PUM3: variants seen among roughly 807,000 people sequenced by gnomAD.
The protein encoded by PUM3 is pumilio RNA binding family member 3, also known as pumilio homolog 3.
A neutral mutation model predicts 84.0 loss-of-function variants in PUM3; 91 were observed. The ratio of observed to expected loss-of-function variants is 1.08; its 90% CI spans 0.91 to 1.29. The LOEUF (loss-of-function observed/expected upper bound fraction) is 1.29. Ranked by LOEUF, PUM3 falls within the 50% of genes most tolerant of loss-of-function variation. The pLI, the probability that PUM3 is intolerant of heterozygous loss-of-function variation, is 0.00. For synonymous variants in PUM3, 321 were observed against 266.7 expected (o/e 1.20, Z -1.98); for missense variants, 1,067 against 767.5 (o/e 1.39, Z -4.61).
chr9:2,813,916 G>A (rs151120152), intron 13 of PUM3, among the ~76,000 whole-genome samples: 4 of 152,184 alleles, frequency 2.6e-5, no homozygotes, highest in South Asian at 2.1e-4. Flanking sequence ...ATCATCTAAC[G>A]TAATCTTCTG....
Position 2,833,378 on chromosome 9 carries a change from C to A in PUM3, c.495G>T (p.Leu165Phe), listed in dbSNP as rs1223852144. The A allele has an allele frequency of 1.3e-6, 2 of 1,590,594 alleles. No homozygotes were observed. Among genetic ancestry groups the A allele is most frequent in the East Asian group, 2.2e-5 (1 of 44,496 alleles). ...RVKLMSDLQK[L>F]IQGKIKTIAF... ...TTACAGTTTTAATTTTCCCTTGAATCAACTTCTGCAAATCACTCATTAACT... is the reference window on the plus strand; with the variant it reads ...TTACAGTTTTAATTTTCCCTTGAATAAACTTCTGCAAATCACTCATTAACT... The change falls in exon 5 of 18, where the codon TTG becomes TTT. Residue 165 changes from leucine to phenylalanine, a missense_variant. By Grantham distance (22) the Leu-to-Phe change is conservative. Coordinates refer to ENST00000397885, the MANE Select transcript of PUM3 (RefSeq NM_014878.5).
rs149950858 is a variant in PUM3 at position 2,829,954 on chromosome 9, C to T, written c.678-6G>A. On this transcript the variant is annotated splice_polypyrimidine_tract_variant and splice_region_variant and intron_variant, in intron 7 of 17. Transcript: ENST00000397885. ...CTGCAATCTGTGGTTTACTTCTAAA[C>T]GCAACACAATCATGGAAAAATAAAT... 3.3e-5 allele frequency: 53 copies of T among 1,599,792 alleles called. No homozygotes were observed. The highest frequency in any genetic ancestry group is 3.1e-5 in the Non-Finnish European group (36 of 1,169,592).
At chr9:2,828,522 A>C in intron 9 of PUM3, 153 bp downstream of exon 9, 1 of 575,048 alleles carries the variant, frequency 1.7e-6, no homozygotes, top group South Asian at 2.3e-5. Flanking sequence ...TTTTGCACCA[A>C]GAATGGTTTC....
chr9:2,821,401 G>A (rs1259104350), intron 12 of PUM3, among the ~76,000 whole-genome samples: 6 of 126,254 alleles, frequency 4.8e-5, no homozygotes, highest in African/African-American at 1.5e-4. Context: ...CCCAGATCGC[G>A]CCACGGCACT....
intron 3 of PUM3, among the ~76,000 whole-genome samples, chr9:2,834,569 G>A (rs953088784): frequency 4.6e-5 from 7 of 152,070 alleles, no homozygotes; most frequent in African/African-American, 1.2e-4. Flanking sequence ...AAACAACTTC[G>A]AAAATTCACT....
rs767656468 is a variant in PUM3 at position 2,804,382 on chromosome 9, G to A, written c.1896C>T (p.Thr632=). 2 of 1,613,636 alleles carry A rather than the reference G, an allele frequency of 1.2e-6. No homozygotes were observed. The highest frequency in any genetic ancestry group is 2.7e-5 in the African/African-American group (2 of 74,860). The change falls in exon 18 of 18, where the codon ACC becomes ACT. Residue 632 remains threonine (T), a synonymous_variant. Transcript: ENST00000397885. The stretch of plus-strand genomic sequence containing the variant: ...TTTCTATTCCTTTGCTGGTGCTTTT[G>A]GTTTTTTCCAATGTAGGAATCAAGC... The part of the protein sequence containing the change: ...LKSLIPTLEK[T]KSTSKGIEIL...
At chr9:2,819,596 C>G (rs1198659195) in intron 13 of PUM3, among the ~76,000 whole-genome samples, 1 of 152,116 alleles carries the variant, frequency 6.6e-6, no homozygotes, top group East Asian at 1.9e-4. Context: ...TATTTCTCCA[C>G]AGGGAGAGAG....
chr9:2,838,549 C>G, intron 1 of PUM3, 32 bp from the exon 2 acceptor site: 1 of 1,299,642 alleles, frequency 7.7e-7, no homozygotes, highest in Non-Finnish European at 1.1e-6. Flanking sequence ...CAAAAACAAT[C>G]ACTGCAGTTC....
chr9:2,827,190 C>G, intron 9 of PUM3, 39 bp from the exon 10 acceptor site: 1 of 1,438,352 alleles, frequency 7.0e-7, no homozygotes, highest in Non-Finnish European at 9.7e-7. Flanking sequence ...CACAACAGAT[C>G]TGGCACTACA....
rs111652771 is a variant in PUM3 at position 2,824,981 on chromosome 9, T to C, written c.1036-166A>G. ...GACAATCAAACAGAAACACGAGCTC[T>C]TTCTAGAAATGTTCTTTTCCATCAA... On this transcript the variant is annotated intron_variant, in intron 10 of 17. Transcript: ENST00000397885. Among the ~76,000 whole-genome samples the C allele has an allele frequency of 3.3e-5, 5 of 152,244 alleles. No homozygotes were observed. The South Asian group carries it at 1.0e-3, about 31-fold the overall frequency.
intron 3 of PUM3, among the ~76,000 whole-genome samples, chr9:2,835,014 A>C (rs79483271): frequency 2.4e-5 from 1 of 41,532 alleles, no homozygotes; most frequent in Non-Finnish European, 6.3e-5. Context: ...GGAAAAATGC[A>C]AAAAAAAAAA....
At chr9:2,814,523 G>A (rs1221954506) in intron 13 of PUM3, among the ~76,000 whole-genome samples, 1 of 152,116 alleles carries the variant, frequency 6.6e-6, no homozygotes, top group Non-Finnish European at 1.5e-5. Context: ...TCTATGTGTT[G>A]CTGATAATGA....
chr9:2,841,420 C>T (rs1816260500), intron 1 of PUM3, among the ~76,000 whole-genome samples: 1 of 152,054 alleles, frequency 6.6e-6, no homozygotes, highest in South Asian at 2.1e-4. Flanking sequence ...CAAAATTTAG[C>T]TGGGCATGGT....
intron 17 of PUM3, 44 bp downstream of exon 17, chr9:2,807,770 G>T: frequency 8.0e-7 from 1 of 1,251,372 alleles, no homozygotes; most frequent in Non-Finnish European, 1.2e-6. Flanking sequence ...TGTGTCTTTT[G>T]CATGACCAGG....
At chr9:2,828,038 T>A (rs951984150) in intron 9 of PUM3, among the ~76,000 whole-genome samples, 14 of 152,012 alleles carry the variant, frequency 9.2e-5, no homozygotes, top group Non-Finnish European at 1.5e-4. Flanking sequence ...ATCCATTTTT[T>A]AATTTTTTTT....
intron 13 of PUM3, among the ~76,000 whole-genome samples, chr9:2,816,827 A>G (rs1448313032): frequency 2.0e-5 from 3 of 152,246 alleles, no homozygotes; most frequent in Non-Finnish European, 4.4e-5. Context: ...GAAGATCACT[A>G]TCTGCTGATT....
At chr9:2,836,542 C>A (rs1816125673) in intron 3 of PUM3, among the ~76,000 whole-genome samples, 1 of 152,212 alleles carries the variant, frequency 6.6e-6, no homozygotes, top group East Asian at 1.9e-4. Context: ...TACTTCCAAT[C>A]AGTGAGCAAC....
chr9:2,827,784 A>C (rs953178428), intron 9 of PUM3, among the ~76,000 whole-genome samples: 4 of 152,248 alleles, frequency 2.6e-5, no homozygotes, highest in African/African-American at 9.6e-5. Context: ...GTGTTTTGGA[A>C]CAACCAACCC....
At position 2,820,034 on chromosome 9, in the gene PUM3, T is replaced by C. The variant is rs1821555413; in HGVS notation, c.1253A>G (p.Lys418Arg). ...FDCIDDTKLV[K>R]QIIISEIISS... The stretch of plus-strand genomic sequence containing the variant: ...ATTACTTACTGATATGATTATCTGC[T>C]TCACAAGCTTAGTATCATCAATACA... The change falls in exon 13 of 18, where the codon AAG becomes AGG. Residue 418 changes from lysine (K) to arginine (R), a missense_variant. Physicochemically the swap from Lys to Arg is conservative, Grantham distance 26. Coordinates refer to ENST00000397885, the MANE Select transcript of PUM3 (RefSeq NM_014878.5). 9 of 1,608,934 alleles carry C rather than the reference T, an allele frequency of 5.6e-6. No individual in the cohort carries two copies. Among genetic ancestry groups the C allele is most frequent in the Non-Finnish European group, 2.6e-6 (3 of 1,175,662 alleles).
Sources: allele counts gnomAD v4.1 joint callset (sites outside exome capture counted in the v4.1 genomes callset), GRCh38; gene constraint gnomAD v4.1.1; transcripts MANE v1.5; gene names NCBI Gene and HGNC (gene_info 2026-07-23, HGNC 2026-07-21).